The following MAP7D3 variants were observed in gnomAD, a reference collection of about 807,000 sequenced individuals.
MAP7D3 encodes the protein MAP7 domain containing 3, also known as MAP7 domain-containing protein 3.
MAP7D3 carries 45 observed loss-of-function variants against 62.2 expected under a neutral mutation model. The observed-to-expected ratio is 0.72, with a 90% CI of 0.57 to 0.93. The LOEUF is 0.93. Ranked by LOEUF, MAP7D3 falls within the 40% of genes least tolerant of loss-of-function variation. The probability of loss-of-function intolerance (pLI) is 0.00; values close to 1 mark genes in which losing one functional copy is unlikely to be tolerated. For missense variants in MAP7D3, 711 were observed against 683.1 expected, an observed-to-expected ratio of 1.04 and a Z score of -0.45; for synonymous variants, 288 against 248.8, an observed-to-expected ratio of 1.16 and a Z score of -1.48.
At chrX:136,252,284 G>A (rs1371812231), upstream of MAP7D3, among the ~76,000 whole-genome samples, 2 of 111,324 alleles carry the variant, frequency 1.8e-5, no homozygotes, top group African/African-American at 6.5e-5. Context: ...GTCTCCAAAT[G>A]ACATGGGAGC....
In MAP7D3 at chrX:136,227,302, G is replaced by C. The variant is rs1046459058; in HGVS notation, c.2016C>G (p.Asp672Glu). 7 of 1,205,649 alleles carry C rather than the reference G, an allele frequency of 5.8e-6. No individual in the cohort carries two copies. The highest frequency in any genetic ancestry group is 7.8e-6 in the Non-Finnish European group (7 of 893,971). Residue 672 changes from aspartate to glutamate, a missense_variant, in exon 12 of 19, where the codon GAC becomes GAG. By Grantham distance (45) the Asp-to-Glu change is conservative. Transcript: ENST00000316077. ...KKKKGWLDQE[D>E]QEAPLQKGDA... is the part of the protein sequence containing the mutation. ...AGCAAACCTGCAGTGGTGCTTCCTG[G>C]TCTTCCTGATCCAGCCATCCTTTCT...
At position 136,232,121 on chromosome X, in the gene MAP7D3, A is replaced by G. The variant is rs1168536288; in HGVS notation, c.836T>C (p.Met279Thr). 7 of 1,207,289 alleles carry G rather than the reference A, an allele frequency of 5.8e-6. No individual in the cohort carries two copies. The South Asian group carries it at 8.8e-5, about 15-fold the overall frequency. The change falls in exon 8 of 19, where the codon ATG becomes ACG. Residue 279 changes from methionine (M) to threonine (T), a missense_variant. Met to Thr is a moderately conservative substitution (Grantham distance 81). Transcript: ENST00000316077. ...LRAVMFPMST[M>T]KIPPQTKVEE... is the part of the protein sequence containing the mutation. ...TACTTTTGTTTGAGGAGGTATTTTC[A>G]TTGTCGACATGGGAAACATAACAGC...
At chrX:136,222,365 G>C (rs1444934469) in intron 15 of MAP7D3, 28 bp downstream of exon 15, 2 of 1,110,992 alleles carry the variant, frequency 1.8e-6, no homozygotes, top group African/African-American at 3.6e-5. Context: ...ATGAACCTAA[G>C]CAGTCTAGCT....
chrX:136,240,030 G>A (rs895551602), intron 6 of MAP7D3, among the ~76,000 whole-genome samples: 3 of 110,901 alleles, frequency 2.7e-5, no homozygotes, highest in Admixed American at 9.7e-5. Flanking sequence ...CCAACATGGT[G>A]AAACCCCGTC....
At chrX:136,241,529 C>T (rs1238657792) in intron 4 of MAP7D3, among the ~76,000 whole-genome samples, 1 of 111,659 alleles carries the variant, frequency 9.0e-6, no homozygotes, top group East Asian at 2.8e-4. Context: ...AAATTTAGAG[C>T]CAAATGTGTA....
intron 1 of MAP7D3, 123 bp downstream of exon 1, chrX:136,251,166 A>C: frequency 1.9e-6 from 1 of 535,287 alleles, no homozygotes. Flanking sequence ...ACCAGATAGC[A>C]CGAGGCGACT....
At chrX:136,231,026 C>CTT (rs34471049) in intron 8 of MAP7D3, 60 bp from the exon 9 acceptor site, 1,121 of 664,050 alleles carry the variant, frequency 1.7e-3, no homozygotes, top group East Asian at 1.9e-3. Context: ...CTGCAGCTGG[C>CTT]TTTTTTTTTT....
chrX:136,245,013 T>C (rs2074431537), intron 3 of MAP7D3, among the ~76,000 whole-genome samples: 1 of 112,324 alleles, frequency 8.9e-6, no homozygotes, highest in African/African-American at 3.2e-5. Flanking sequence ...GAGAACTGGA[T>C]TGTCTGTGCC....
In MAP7D3 at chrX:136,251,373, G is replaced by C; in HGVS notation, c.-15C>G. 2 of 1,109,429 alleles carry C rather than the reference G, an allele frequency of 1.8e-6. No homozygotes were observed. The highest frequency in any genetic ancestry group is 2.4e-6 in the Non-Finnish European group (2 of 849,859). The allele number at this position is 1,109,429 out of a possible 1,213,427, so 91.4% of individuals were successfully genotyped here. ...TCCGCCATCATCGGAGTCGGGACCG[G>C]AGGCGGTGGTGGCTCTCCGCATACA... is the stretch of plus-strand genomic sequence containing the variant. On this transcript the variant is annotated 5_prime_UTR_variant, in exon 1 of 19. Coordinates refer to ENST00000316077, the MANE Select transcript of MAP7D3 (RefSeq NM_024597.4).
At chrX:136,233,939 G>C (rs1375910054) in intron 7 of MAP7D3, among the ~76,000 whole-genome samples, 1 of 111,177 alleles carries the variant, frequency 9.0e-6, no homozygotes, top group East Asian at 2.8e-4. Context: ...AAAATATTGA[G>C]ATTTTTTGGA....
intron 6 of MAP7D3, 98 bp downstream of exon 6, chrX:136,240,284 A>C (rs2074374362): frequency 5.6e-6 from 3 of 535,333 alleles, no homozygotes; most frequent in Non-Finnish European, 9.7e-6. Context: ...TGAAATAAAC[A>C]TAAATGTTCC....
At chrX:136,216,617 C>CA (rs1481220518), downstream of MAP7D3, among the ~76,000 whole-genome samples, 1 of 109,600 alleles carries the variant, frequency 9.1e-6, no homozygotes, top group Non-Finnish European at 1.9e-5. Context: ...AACAAACAAA[C>CA]AAAAAAACTC....
At chrX:136,250,455 C>G (rs937062644) in intron 1 of MAP7D3, among the ~76,000 whole-genome samples, 6 of 111,173 alleles carry the variant, frequency 5.4e-5, no homozygotes, top group Non-Finnish European at 9.4e-5. Context: ...TAACGGTTTT[C>G]GAGGAGGGAA....
At chrX:136,251,150 G>A (rs1418798508) in intron 1 of MAP7D3, 139 bp downstream of exon 1, 21 of 463,606 alleles carry the variant, frequency 4.5e-5, no homozygotes, top group Non-Finnish European at 7.2e-5. Flanking sequence ...CGGGGGTGAG[G>A]GGAGGACCAG....
chrX:136,230,908 TATG>T lies in MAP7D3; in HGVS notation c.1469_1471del (p.Ser490del). 1 of 1,198,868 alleles carries T rather than the reference TATG, an allele frequency of 8.3e-7. No individual in the cohort carries two copies. The highest frequency in any genetic ancestry group is 1.1e-6 in the Non-Finnish European group (1 of 884,019). On this transcript the variant is annotated inframe_deletion, in exon 9 of 19. Transcript: ENST00000316077. ...TGATGACCATTTATAACACTCAGTG[TATG>T]ATGATAGACGCTTCTTGGCAATAGG...
Position 136,231,007 on chromosome X carries a change from A to G in MAP7D3, c.1414-41T>C, listed in dbSNP as rs147534262. Reference sequence around the variant, plus strand: ...CAGTATGGTAAATTACTAACAAACAATTCTTTTACTGCAGCTGGCTTTTTT... The same window carrying G: ...CAGTATGGTAAATTACTAACAAACAGTTCTTTTACTGCAGCTGGCTTTTTT... On this transcript the variant is annotated intron_variant, in intron 8 of 18. Coordinates refer to ENST00000316077, the MANE Select transcript of MAP7D3 (RefSeq NM_024597.4). The G allele has an allele frequency of 8.9e-4, 907 of 1,021,042 alleles. 9 individuals are homozygous for G. The African/African-American group carries it at 0.016, about 18-fold the overall frequency. The allele number at this position is 1,021,042 out of a possible 1,213,427, so 84.1% of individuals were successfully genotyped here.
upstream of MAP7D3, among the ~76,000 whole-genome samples, chrX:136,254,749 C>T (rs1460126287): frequency 2.7e-5 from 3 of 111,753 alleles, no homozygotes; most frequent in Non-Finnish European, 5.6e-5. Context: ...CGAGTAACCA[C>T]GTCTTAATTC....
intron 10 of MAP7D3, chrX:136,229,103 A>AGC: frequency 8.2e-6 from 1 of 121,439 alleles, no homozygotes. Context: ...GCTCGGTCCA[A>AGC]ACAAAGGGTA....
At chrX:136,256,134 G>A, upstream of MAP7D3, 1 of 750,262 alleles carries the variant, frequency 1.3e-6, no homozygotes, top group Non-Finnish European at 1.6e-6. Context: ...CTCTGGTTTT[G>A]TGTTCTTTCT....
Sources: gnomAD v4.1 joint callset for allele counts (sites outside exome capture counted in the v4.1 genomes callset) on GRCh38, gnomAD v4.1.1 for gene constraint, MANE v1.5 for transcripts, NCBI Gene and HGNC (gene_info 2026-07-23, HGNC 2026-07-21) for gene names.